Variants in WDR47 observed in about 807,000 individuals in gnomAD.
The protein encoded by WDR47 is WD repeat domain 47.
Under a neutral mutation model 97.2 loss-of-function variants are expected in WDR47, and 32 were observed. The observed-to-expected ratio is 0.33, with a 90% CI of 0.25 to 0.44. The LOEUF is 0.44. Among genes scored for constraint, WDR47 ranks in the 20% least tolerant of loss-of-function variants. The pLI, the probability that WDR47 is intolerant of heterozygous loss-of-function variation, is 1.00. For missense variants in WDR47, 782 were observed against 1,102.3 expected (o/e 0.71, Z 4.11); for synonymous variants, 375 against 373.5 (o/e 1.00, Z -0.05).
intron 5 of WDR47, among the ~76,000 whole-genome samples, chr1:109,010,000 AAAAAAAAC>A (rs755817168): frequency 1.6e-4 from 25 of 151,898 alleles, no homozygotes; most frequent in African/African-American, 2.7e-4. Flanking sequence ...CTCCATCTCA[AAAAAAAAC>A]AAAAAAACAA....
intron 6 of WDR47, among the ~76,000 whole-genome samples, chr1:109,004,260 G>A (rs967454106): frequency 1.1e-4 from 17 of 148,716 alleles, no homozygotes; most frequent in Admixed American, 9.4e-4. Flanking sequence ...ACAAGACTCC[G>A]TCTCAAAAAA....
Position 109,032,188 on chromosome 1 carries a change from TTACTGAAG to T in WDR47, c.-9-8675_-9-8668del, listed in dbSNP as rs937624189. ...AATTTTTAAACAAGTATGTTTAAAA[TTACTGAAG>T]TACTAACAATTCACATGATAAAAAC... On this transcript the variant is annotated intron_variant, in intron 1 of 14. Transcript: ENST00000369962. Among the ~76,000 whole-genome samples the T allele has an allele frequency of 1.6e-4, 22 of 139,326 alleles. 4 individuals carry two copies. The highest frequency in any genetic ancestry group is 7.8e-5 in the Admixed American group (1 of 12,888). The allele number at this position is 139,326 out of a possible 152,430, so 91.4% of individuals were successfully genotyped here.
At position 109,002,092 on chromosome 1, in the gene WDR47, T is replaced by A. The variant is rs747831467; in HGVS notation, c.1433+132A>T. ...GGAATGCTGTGACTAGAAAGCAATA[T>A]GTAACTCCACATTACTTCAAATGCG... is the stretch of plus-strand genomic sequence containing the variant. On this transcript the variant is annotated intron_variant, in intron 7 of 14. Coordinates refer to ENST00000369962, the MANE Select transcript of WDR47 (RefSeq NM_001142551.2). 2.9e-6 allele frequency: 3 copies of A among 1,048,972 alleles called. No individual in the cohort carries two copies. The African/African-American group carries it at 4.8e-5, about 17-fold the overall frequency. The allele number at this position is 1,048,972 out of a possible 1,614,324, so 65.0% of individuals were successfully genotyped here.
intron 5 of WDR47, among the ~76,000 whole-genome samples, chr1:109,009,468 T>A (rs1236244043): frequency 1.3e-5 from 2 of 152,230 alleles, no homozygotes; most frequent in Non-Finnish European, 2.9e-5. Context: ...ATTAGAGTTT[T>A]AAGTTCTAGT....
At chr1:108,988,230 G>C (rs1659008505) in intron 9 of WDR47, among the ~76,000 whole-genome samples, 1 of 145,916 alleles carries the variant, frequency 6.9e-6, no homozygotes, top group African/African-American at 2.5e-5. Flanking sequence ...GATAGGAAGG[G>C]GGGAGGGGCG....
rs558790223 is a variant in WDR47 at position 108,976,425 on chromosome 1, TACA to T, written c.2399-1674_2399-1672del. On this transcript the variant is annotated intron_variant, in intron 13 of 14. Transcript: ENST00000369962. Reference sequence around the variant, plus strand: ...AAGAATAACTGATTTAGAGGAGAAATACAGTTTAGTTTTACACGTACAAAGTTT... The same window carrying T: ...AAGAATAACTGATTTAGAGGAGAAATGTTTAGTTTTACACGTACAAAGTTT... Among the ~76,000 whole-genome samples the T allele has an allele frequency of 3.7e-3, 553 of 149,376 alleles. 6 individuals are homozygous for T. Among genetic ancestry groups the T allele is most frequent in the Non-Finnish European group, 6.4e-3 (429 of 67,488 alleles).
intron 12 of WDR47, 131 bp downstream of exon 12, chr1:108,982,478 G>A: frequency 9.2e-7 from 1 of 1,084,102 alleles, no homozygotes; most frequent in Non-Finnish European, 1.3e-6. Flanking sequence ...GCCGCAGTGA[G>A]CTGTGATTGT....
chr1:108,998,470 C>A (rs1659922040), intron 7 of WDR47, among the ~76,000 whole-genome samples: 1 of 151,934 alleles, frequency 6.6e-6, no homozygotes, highest in African/African-American at 2.4e-5. Flanking sequence ...CCACTGCACT[C>A]CAGCCTAGGC....
chr1:109,039,896 C>A (rs1019139056), intron 1 of WDR47, among the ~76,000 whole-genome samples: 7 of 151,832 alleles, frequency 4.6e-5, no homozygotes, highest in Non-Finnish European at 8.8e-5. Context: ...AGTAGCCGGG[C>A]GTGGTGGCAG....
rs1201825017 is a variant in WDR47, at chr1:108,983,457, A to C, written c.1926-6T>G. The C allele has an allele frequency of 1.3e-6, 2 of 1,541,134 alleles. No homozygotes were observed. Among genetic ancestry groups the C allele is most frequent in the South Asian group, 2.5e-5 (2 of 79,802 alleles). On this transcript the variant is annotated splice_region_variant and splice_polypyrimidine_tract_variant and intron_variant, in intron 10 of 14. Transcript: ENST00000369962. ...GCTTAGGAGTCTCATGTGCACTGAAAAGAAAAATTACAGAAATATATTTCA... is the reference window on the plus strand; with the variant it reads ...GCTTAGGAGTCTCATGTGCACTGAACAGAAAAATTACAGAAATATATTTCA...
intron 2 of WDR47, among the ~76,000 whole-genome samples, chr1:109,021,972 C>G (rs541042681): frequency 6.6e-6 from 1 of 151,034 alleles, no homozygotes; most frequent in African/African-American, 2.4e-5. Flanking sequence ...CTTAGCCTCT[C>G]GAGTAGCTGG....
chr1:109,014,884 TC>T (rs2101961341), intron 3 of WDR47, among the ~76,000 whole-genome samples: 1 of 152,274 alleles, frequency 6.6e-6, no homozygotes, highest in East Asian at 1.9e-4. Flanking sequence ...TAATGAACCT[TC>T]AGTCATTCTT....
At position 109,002,228 on chromosome 1, in the gene WDR47, T is replaced by G; in HGVS notation, c.1429A>C (p.Asn477His). 1.3e-6 allele frequency: 2 copies of G among 1,583,826 alleles called. No individual in the cohort carries two copies. The highest frequency in any genetic ancestry group is 1.7e-6 in the Non-Finnish European group (2 of 1,171,728). ...AAAAGTGATTAGAAGACCAACCTAT[T>G]AAGGAACTGTTCAGTAAGATTCTGC... ...QQQNLTEQFL[N>H]RSIQKLGELN... Residue 477 changes from asparagine (N) to histidine (H), a missense_variant, in exon 7 of 15, where the codon AAT (asparagine) becomes CAT (histidine). Transcript: ENST00000369962.
At chr1:108,982,895 T>C in intron 11 of WDR47, 116 bp from the exon 12 acceptor site, 1 of 1,181,334 alleles carries the variant, frequency 8.5e-7, no homozygotes, top group Non-Finnish European at 1.2e-6. Flanking sequence ...ATATGGTTTG[T>C]ATTTTCATTT....
Position 109,031,930 on chromosome 1 carries a change from A to T in WDR47, c.-9-8409T>A, listed in dbSNP as rs1350956658. On this transcript the variant is annotated intron_variant, in intron 1 of 14. Coordinates refer to ENST00000369962, the MANE Select transcript of WDR47 (RefSeq NM_001142551.2). ...TCCTCCCGCCTCAGCCTTCCCAGTAATTGGGACTACAGGCATGCACCACCA... is the reference window on the plus strand; with the variant it reads ...TCCTCCCGCCTCAGCCTTCCCAGTATTTGGGACTACAGGCATGCACCACCA... Among the ~76,000 whole-genome samples the T allele has an allele frequency of 5.9e-5, 8 of 134,584 alleles. 1 individual carries two copies. Among genetic ancestry groups the T allele is most frequent in the Non-Finnish European group, 1.3e-4 (8 of 61,314 alleles). The allele number at this position is 134,584 out of a possible 152,430, so 88.3% of individuals were successfully genotyped here.
Sources: allele counts gnomAD v4.1 joint callset (sites outside exome capture counted in the v4.1 genomes callset), GRCh38; gene constraint gnomAD v4.1.1; transcripts MANE v1.5; gene names NCBI Gene and HGNC (gene_info 2026-07-23, HGNC 2026-07-21).